Variants in TCF4 observed in about 807,000 individuals in gnomAD.
The protein encoded by TCF4 is SL3-3 enhancer factor 2.
A neutral mutation model predicts 82.1 loss-of-function variants in TCF4; 3 were observed. That is an observed-to-expected ratio of 0.04 (90% confidence interval 0.02 to 0.09). The LOEUF (loss-of-function observed/expected upper bound fraction) is 0.09, where lower values mean the gene tolerates loss of function less well. Ranked by LOEUF, TCF4 falls within the 10% of genes least tolerant of loss-of-function variation. The pLI, the probability that TCF4 is intolerant of heterozygous loss-of-function variation, is 1.00. For synonymous variants in TCF4, 276 were observed against 309.6 expected, an observed-to-expected ratio of 0.89 and a Z score of 1.14; for missense variants, 518 against 852.7, an observed-to-expected ratio of 0.61 and a Z score of 4.89.
At chr18:55,508,058 T>G (rs1409743764) in intron 3 of TCF4, among the ~76,000 whole-genome samples, 2 of 152,070 alleles carry the variant, frequency 1.3e-5, no homozygotes, top group African/African-American at 4.8e-5. Flanking sequence ...ACAGGGAGGC[T>G]TCCTGACCAG....
chr18:55,562,552 C>T (rs7233231), intron 3 of TCF4, among the ~76,000 whole-genome samples: 2,680 of 152,214 alleles, frequency 0.018, 90 homozygotes, highest in African/African-American at 0.061. Flanking sequence ...ACTGGGCAGC[C>T]CCCTCTCTAT....
At chr18:55,258,118 T>C (rs1018060082) in intron 13 of TCF4, among the ~76,000 whole-genome samples, 2 of 152,170 alleles carry the variant, frequency 1.3e-5, no homozygotes, top group East Asian at 3.9e-4. Flanking sequence ...ATGATCTCAC[T>C]GAAATCTCAT....
chr18:55,574,377 G>T (rs993836191), intron 3 of TCF4, among the ~76,000 whole-genome samples: 2 of 151,858 alleles, frequency 1.3e-5, no homozygotes, highest in East Asian at 3.9e-4. Flanking sequence ...AATACTGGAG[G>T]GCAGTGGCGC....
At chr18:55,423,427 G>GCGCACACA (rs1491432938) in intron 5 of TCF4, 18 of 106,044 alleles carry the variant, frequency 1.7e-4, no homozygotes, top group Admixed American at 1.3e-3. Flanking sequence ...ACGCGCGCGC[G>GCGCACACA]CACACACACA....
chr18:55,393,179 C>G (rs994157463), intron 6 of TCF4, among the ~76,000 whole-genome samples: 1 of 152,082 alleles, frequency 6.6e-6, no homozygotes, highest in East Asian at 1.9e-4. Context: ...GCCTGGACAA[C>G]AACGTGAGAC....
chr18:55,589,337 G>C, upstream of TCF4: 2 of 1,052,744 alleles, frequency 1.9e-6, no homozygotes, highest in Non-Finnish European at 2.3e-6. Context: ...TCCAAGGAAA[G>C]AGACTTTAAA....
chr18:55,408,309 T>C (rs1353098342), intron 5 of TCF4, among the ~76,000 whole-genome samples: 1 of 152,150 alleles, frequency 6.6e-6, no homozygotes, highest in African/African-American at 2.4e-5. Context: ...TTAATCCTCA[T>C]TCTGGGAACT....
At chr18:55,371,653 A>T (rs996820096) in intron 6 of TCF4, among the ~76,000 whole-genome samples, 1 of 151,896 alleles carries the variant, frequency 6.6e-6, no homozygotes, top group African/African-American at 2.4e-5. Flanking sequence ...GATTTTAATC[A>T]ATGACAACAC....
chr18:55,277,455 A>G (rs1803881634), intron 9 of TCF4, among the ~76,000 whole-genome samples: 1 of 152,210 alleles, frequency 6.6e-6, no homozygotes, highest in African/African-American at 2.4e-5. Flanking sequence ...ATGCAGACTT[A>G]TAAAAATACA....
chr18:55,540,448 A>G (rs1352144275), intron 3 of TCF4, among the ~76,000 whole-genome samples: 1 of 152,106 alleles, frequency 6.6e-6, no homozygotes, highest in East Asian at 1.9e-4. Flanking sequence ...AAACATCTTT[A>G]CTTATTTGCA....
chr18:55,509,928 T>C (rs542050689), intron 3 of TCF4, among the ~76,000 whole-genome samples: 1 of 152,202 alleles, frequency 6.6e-6, no homozygotes, highest in Non-Finnish European at 1.5e-5. Context: ...ATAATAACTT[T>C]CTTTGGAATT....
intron 5 of TCF4, among the ~76,000 whole-genome samples, chr18:55,410,196 C>A (rs967928198): frequency 1.3e-5 from 2 of 152,130 alleles, no homozygotes; most frequent in African/African-American, 4.8e-5. Flanking sequence ...GGCATTAACT[C>A]TCTCTTCCGC....
At chr18:55,491,270 G>C (rs1296879263) in intron 3 of TCF4, among the ~76,000 whole-genome samples, 1 of 152,102 alleles carries the variant, frequency 6.6e-6, no homozygotes, top group Non-Finnish European at 1.5e-5. Context: ...GACCATCATG[G>C]GGGCGGGACG....
At chr18:55,475,653 A>T (rs921816876) in intron 3 of TCF4, among the ~76,000 whole-genome samples, 6 of 152,272 alleles carry the variant, frequency 3.9e-5, no homozygotes, top group Middle Eastern at 3.4e-3. Context: ...ACAAGCGATA[A>T]CCCATCACAG....
At chr18:55,351,387 A>C (rs2082278792) in intron 6 of TCF4, 1 of 237,688 alleles carries the variant, frequency 4.2e-6, no homozygotes, top group African/African-American at 2.4e-5. Context: ...TCATTTTGTG[A>C]ACGCACACAA....
At chr18:55,366,609 G>A (rs1165976630) in intron 6 of TCF4, among the ~76,000 whole-genome samples, 1 of 152,200 alleles carries the variant, frequency 6.6e-6, no homozygotes, top group Non-Finnish European at 1.5e-5. Flanking sequence ...ATTACTTTTA[G>A]AGATAATGTC....
At chr18:55,231,752 T>C (rs532518407) in intron 17 of TCF4, 77 of 152,378 alleles carry the variant, frequency 5.1e-4, no homozygotes, top group African/African-American at 1.8e-3. Flanking sequence ...AGAGGCAGCA[T>C]GTTCTTAATT....
chr18:55,294,037 A>G (rs997177834), intron 8 of TCF4, among the ~76,000 whole-genome samples: 6 of 129,236 alleles, frequency 4.6e-5, no homozygotes. Context: ...AGGTGGGCGG[A>G]TCACTTGAGG....
At chr18:55,605,961 A>C (rs1288840147) in intron 2 of TCF4, among the ~76,000 whole-genome samples, 1 of 152,234 alleles carries the variant, frequency 6.6e-6, no homozygotes, top group East Asian at 1.9e-4. Flanking sequence ...TAGAAATGCA[A>C]ATCCTTGGGT....
Sources: gnomAD v4.1 joint callset for allele counts (sites outside exome capture counted in the v4.1 genomes callset) on GRCh38, gnomAD v4.1.1 for gene constraint, MANE v1.5 for transcripts, NCBI Gene and HGNC (gene_info 2026-07-23, HGNC 2026-07-21) for gene names.